The following PTPRD variants were observed in gnomAD, a reference collection of about 807,000 sequenced individuals.
PTPRD encodes the protein receptor-type tyrosine-protein phosphatase delta.
A neutral mutation model predicts 214.5 loss-of-function variants in PTPRD; 34 were observed. The ratio of observed to expected loss-of-function variants is 0.16; its 90% CI spans 0.12 to 0.21. The LOEUF (loss-of-function observed/expected upper bound fraction) is 0.21, where lower values mean the gene tolerates loss of function less well. PTPRD is among the 10% of genes least tolerant of loss of function. PTPRD has a pLI of 1.00. For missense variants in PTPRD, 2,545 were observed against 2,398.7 expected, an observed-to-expected ratio of 1.06 and a Z score of -1.27; for synonymous variants, 1,128 against 845.7, an observed-to-expected ratio of 1.33 and a Z score of -5.79.
intron 10 of PTPRD, among the ~76,000 whole-genome samples, chr9:9,072,334 C>T (rs938093468): frequency 6.7e-6 from 1 of 148,800 alleles, no homozygotes; most frequent in Admixed American, 6.7e-5. Flanking sequence ...CCTTAATATT[C>T]CCATTTTGCC....
At chr9:9,920,205 T>A (rs140760608) in intron 5 of PTPRD, among the ~76,000 whole-genome samples, 2 of 152,162 alleles carry the variant, frequency 1.3e-5, no homozygotes, top group Non-Finnish European at 2.9e-5. Context: ...CGTTGAAGGA[T>A]ATTAGAAAAC....
chr9:8,873,620 T>C (rs1393569312), intron 11 of PTPRD, among the ~76,000 whole-genome samples: 2 of 152,218 alleles, frequency 1.3e-5, no homozygotes, highest in Non-Finnish European at 2.9e-5. Flanking sequence ...CTTTTCACTG[T>C]CATCTATTTC....
chr9:10,490,131 T>G (rs186227127), intron 2 of PTPRD, among the ~76,000 whole-genome samples: 126 of 152,304 alleles, frequency 8.3e-4, no homozygotes, highest in Admixed American at 1.2e-3. Context: ...GCTTAATTGT[T>G]TAAGTGATCA....
At chr9:9,369,101 T>C (rs1291927853) in intron 9 of PTPRD, among the ~76,000 whole-genome samples, 2 of 152,106 alleles carry the variant, frequency 1.3e-5, no homozygotes, top group Admixed American at 1.3e-4. Context: ...TCATCCTTTT[T>C]TATGGCTGCA....
At chr9:10,560,696 G>A (rs967349779) in intron 2 of PTPRD, among the ~76,000 whole-genome samples, 1 of 152,148 alleles carries the variant, frequency 6.6e-6, no homozygotes, top group African/African-American at 2.4e-5. Flanking sequence ...CCAGAATACA[G>A]TGCATAAAGT....
intron 10 of PTPRD, among the ~76,000 whole-genome samples, chr9:9,150,003 G>C (rs201816103): frequency 1.3e-5 from 2 of 152,178 alleles, no homozygotes; most frequent in East Asian, 1.9e-4. Context: ...AAACACAAGT[G>C]ACAATATCTT....
chr9:9,879,733 G>T (rs1222056960), intron 5 of PTPRD, among the ~76,000 whole-genome samples: 4 of 152,114 alleles, frequency 2.6e-5, no homozygotes, highest in African/African-American at 9.7e-5. Flanking sequence ...TCTGAGATAA[G>T]ATCAGATCAT....
intron 19 of PTPRD, among the ~76,000 whole-genome samples, chr9:8,521,921 G>T (rs2097899446): frequency 6.6e-6 from 1 of 152,162 alleles, no homozygotes; most frequent in Non-Finnish European, 1.5e-5. Flanking sequence ...ATGCAGAAAA[G>T]GGGGCTGGAA....
chr9:8,414,212 A>C (rs1416420355), intron 35 of PTPRD, among the ~76,000 whole-genome samples: 1 of 152,182 alleles, frequency 6.6e-6, no homozygotes, highest in African/African-American at 2.4e-5. Flanking sequence ...AAAAAATTTA[A>C]ATAAACAGAA....
chr9:9,108,294 T>C (rs1341357702), intron 10 of PTPRD, among the ~76,000 whole-genome samples: 1 of 152,174 alleles, frequency 6.6e-6, no homozygotes, highest in African/African-American at 2.4e-5. Flanking sequence ...TATAATCTGT[T>C]TCAACAAGGG....
At chr9:8,984,087 AC>A (rs1328291405) in intron 11 of PTPRD, among the ~76,000 whole-genome samples, 1 of 152,102 alleles carries the variant, frequency 6.6e-6, no homozygotes, top group Non-Finnish European at 1.5e-5. Flanking sequence ...TCATTTAAAA[AC>A]TACATGTGTA....
intron 7 of PTPRD, among the ~76,000 whole-genome samples, chr9:9,575,755 G>GAAAAAGAA (rs1404197690): frequency 1.3e-5 from 1 of 78,320 alleles, no homozygotes; most frequent in Non-Finnish European, 2.6e-5. Flanking sequence ...AAGAAAGAAA[G>GAAAAAGAA]AAAAAGAAAA....
Position 10,157,920 on chromosome 9 carries a change from G to A in PTPRD, c.-544-124130C>T, listed in dbSNP as rs184705636. ...AGCTCTGAGATTCTTCCTTTGGCTTGTTCTATTGTGCTACTAATACCGGTG... is the reference window on the plus strand; with the variant it reads ...AGCTCTGAGATTCTTCCTTTGGCTTATTCTATTGTGCTACTAATACCGGTG... On this transcript the variant is annotated intron_variant, in intron 3 of 45. Transcript: ENST00000381196. 7.9e-5 allele frequency among the ~76,000 whole-genome samples: 12 copies of A among 152,088 alleles called. No homozygotes were observed. In the East Asian group the frequency reaches 2.1e-3, roughly 27 times the overall value.
intron 3 of PTPRD, among the ~76,000 whole-genome samples, chr9:10,285,771 T>C (rs2095329381): frequency 6.6e-6 from 1 of 151,966 alleles, no homozygotes; most frequent in Admixed American, 6.6e-5. Context: ...CCACCATGCC[T>C]GGCTAACTTT....
At chr9:9,078,325 C>T (rs2099754061) in intron 10 of PTPRD, among the ~76,000 whole-genome samples, 1 of 152,022 alleles carries the variant, frequency 6.6e-6, no homozygotes, top group Admixed American at 6.6e-5. Context: ...CATGGCCCAT[C>T]CTTAATTATA....
At chr9:10,136,342 C>T (rs1016735003) in intron 3 of PTPRD, among the ~76,000 whole-genome samples, 2 of 151,968 alleles carry the variant, frequency 1.3e-5, no homozygotes, top group Admixed American at 1.3e-4. Context: ...AGAAAACTAA[C>T]AGAAATTTTG....
intron 34 of PTPRD, among the ~76,000 whole-genome samples, chr9:8,442,359 T>C (rs951238520): frequency 6.6e-6 from 1 of 152,034 alleles, no homozygotes; most frequent in Non-Finnish European, 1.5e-5. Flanking sequence ...TTTTAAACCT[T>C]GCATTAAATG....
In PTPRD at chr9:8,426,272, C is replaced by T. The variant is rs557710273; in HGVS notation, c.4086+10320G>A. Among the ~76,000 whole-genome samples the T allele has an allele frequency of 5.4e-4, 82 of 152,270 alleles. No homozygotes were observed. In the Middle Eastern group the frequency reaches 0.017, roughly 32 times the overall value. On this transcript the variant is annotated intron_variant, in intron 35 of 45. Coordinates refer to ENST00000381196, the MANE Select transcript of PTPRD (RefSeq NM_002839.4). ...AGAACCAAGGTTCTGAGAGGTAAAGCAACTGGCTCAGGATCAAGCAGCGTA... is the reference window on the plus strand; with the variant it reads ...AGAACCAAGGTTCTGAGAGGTAAAGTAACTGGCTCAGGATCAAGCAGCGTA...
At chr9:8,429,120 C>T (rs1201262387) in intron 35 of PTPRD, among the ~76,000 whole-genome samples, 1 of 152,156 alleles carries the variant, frequency 6.6e-6, no homozygotes, top group Non-Finnish European at 1.5e-5. Context: ...GTAACTATGA[C>T]ATTTTCACAG....
Sources: gnomAD v4.1 joint callset for allele counts (sites outside exome capture counted in the v4.1 genomes callset) on GRCh38, gnomAD v4.1.1 for gene constraint, MANE v1.5 for transcripts, NCBI Gene and HGNC (gene_info 2026-07-23, HGNC 2026-07-21) for gene names.